Variants in SGMS1 observed in about 807,000 individuals in gnomAD.
The protein encoded by SGMS1 is sphingomyelin synthase 1.
A neutral mutation model predicts 46.2 loss-of-function variants in SGMS1; 13 were observed. That is an observed-to-expected ratio of 0.28 (90% CI 0.18 to 0.45). SGMS1 has a LOEUF of 0.45. SGMS1 is among the 20% of genes least tolerant of loss of function. SGMS1 has a pLI of 1.00. For synonymous variants in SGMS1, 203 were observed against 187.8 expected (o/e 1.08, Z -0.66); for missense variants, 324 against 519.9 (o/e 0.62, Z 3.66).
intron 5 of SGMS1, among the ~76,000 whole-genome samples, chr10:50,458,509 C>T (rs1296464672): frequency 1.3e-5 from 2 of 151,924 alleles, no homozygotes; most frequent in Admixed American, 1.3e-4. Flanking sequence ...GCGCCTGCCA[C>T]CATGACCGGC....
At chr10:50,489,742 A>T (rs183486699) in intron 3 of SGMS1, among the ~76,000 whole-genome samples, 1 of 152,084 alleles carries the variant, frequency 6.6e-6, no homozygotes, top group African/African-American at 2.4e-5. Flanking sequence ...TTGGGAGGCT[A>T]AGGTGGGTAG....
Position 50,344,108 on chromosome 10 carries a change from C to T in SGMS1, c.7G>A (p.Glu3Lys). The T allele has an allele frequency of 6.2e-7, 1 of 1,605,408 alleles. No individual in the cohort carries two copies. The highest frequency in any genetic ancestry group is 8.5e-7 in the Non-Finnish European group (1 of 1,175,832). Reference sequence around the variant, plus strand: ...TTCTTGGGTGACCAATAAACCACTTCCTTCATTGTACTGGCAGACAGCAGG... The same window carrying T: ...TTCTTGGGTGACCAATAAACCACTTTCTTCATTGTACTGGCAGACAGCAGG... MK[E>K]VVYWSPKKVA... The change falls in exon 7 of 11, where the codon GAA becomes AAA. Residue 3 changes from glutamate (E) to lysine (K), a missense_variant. Glu to Lys is a moderately conservative substitution (Grantham distance 56, BLOSUM62 1). This residue lies in a region of SGMS1 where 150 missense variants were observed against 169.8 expected (regional missense o/e 0.88). Coordinates refer to ENST00000361781, the MANE Select transcript of SGMS1 (RefSeq NM_147156.4).
intron 1 of SGMS1, among the ~76,000 whole-genome samples, chr10:50,591,115 C>T (rs1410748268): frequency 6.6e-6 from 1 of 152,218 alleles, no homozygotes; most frequent in Non-Finnish European, 1.5e-5. Context: ...GAAAGTCATA[C>T]TCCTGTTGCC....
At chr10:50,415,126 A>G (rs575731029) in intron 6 of SGMS1, among the ~76,000 whole-genome samples, 47 of 152,342 alleles carry the variant, frequency 3.1e-4, no homozygotes, top group South Asian at 2.1e-4. Flanking sequence ...GTCTCAAAAC[A>G]TAACAAAACG....
At chr10:50,621,173 T>A (rs1012084173) in intron 1 of SGMS1, among the ~76,000 whole-genome samples, 2 of 150,578 alleles carry the variant, frequency 1.3e-5, no homozygotes, top group Admixed American at 6.6e-5. Flanking sequence ...TAAAACCCTG[T>A]CTCAAAAGAA....
At chr10:50,358,668 C>A (rs2133406773) in intron 6 of SGMS1, among the ~76,000 whole-genome samples, 1 of 152,282 alleles carries the variant, frequency 6.6e-6, no homozygotes, top group East Asian at 1.9e-4. Flanking sequence ...CAGCCTCCAG[C>A]CTGAGCAACA....
chr10:50,553,527 G>A (rs1838166538), intron 2 of SGMS1, among the ~76,000 whole-genome samples: 1 of 151,878 alleles, frequency 6.6e-6, no homozygotes, highest in African/African-American at 2.4e-5. Context: ...TTCACCCCAA[G>A]CTACATCTCA....
At chr10:50,460,270 G>A (rs1301872489) in intron 5 of SGMS1, 1 of 152,204 alleles carries the variant, frequency 6.6e-6, no homozygotes, top group East Asian at 1.9e-4. Context: ...ATCAGAAATG[G>A]CCTTGATGAT....
At chr10:50,486,757 C>T (rs188482261) in intron 3 of SGMS1, among the ~76,000 whole-genome samples, 91 of 152,290 alleles carry the variant, frequency 6.0e-4, no homozygotes, top group African/African-American at 1.9e-3. Context: ...GTGGTGATTC[C>T]TCAAAGATCT....
intron 6 of SGMS1, chr10:50,418,049 C>T (rs1849199490): frequency 6.6e-6 from 1 of 152,230 alleles, no homozygotes; most frequent in Admixed American, 6.5e-5. Context: ...ACAGCATCTC[C>T]GGAGCAACAC....
intron 2 of SGMS1, among the ~76,000 whole-genome samples, chr10:50,548,682 T>C (rs1838122544): frequency 6.6e-6 from 1 of 152,132 alleles, no homozygotes; most frequent in Non-Finnish European, 1.5e-5. Context: ...CCAAAAGCCA[T>C]TGCAACAAAA....
rs1037954989 is a variant in SGMS1, at chr10:50,476,128, G to A, written c.-497-9196C>T. Among the ~76,000 whole-genome samples the A allele has an allele frequency of 3.2e-4, 29 of 89,680 alleles. No homozygotes were observed. In the Admixed American group the frequency reaches 3.4e-3, roughly 10 times the overall value. The allele number at this position is 89,680 out of a possible 152,430, so 58.8% of individuals were successfully genotyped here. ...AAAAAAAAAAAAAAAAAAAAAATTA[G>A]CCAGGCATGGTGGCGTGTGCCTATA... On this transcript the variant is annotated intron_variant, in intron 3 of 10. Coordinates refer to ENST00000361781, the MANE Select transcript of SGMS1 (RefSeq NM_147156.4).
At chr10:50,624,741 C>T, upstream of SGMS1, 4 of 985,456 alleles carry the variant, frequency 4.1e-6, no homozygotes, top group Non-Finnish European at 4.8e-6. Context: ...CCGAGCGAAG[C>T]CCCAGCGCCC....
At chr10:50,530,468 C>T (rs113533225) in intron 2 of SGMS1, among the ~76,000 whole-genome samples, 93 of 152,248 alleles carry the variant, frequency 6.1e-4, no homozygotes, top group African/African-American at 2.0e-3. Flanking sequence ...GGCTTTCCAC[C>T]GAAGTACTGA....
At chr10:50,417,827 G>C (rs781503067) in intron 6 of SGMS1, among the ~76,000 whole-genome samples, 3 of 152,148 alleles carry the variant, frequency 2.0e-5, no homozygotes, top group Non-Finnish European at 2.9e-5. Flanking sequence ...GCAATATAAA[G>C]AGCATTTGTT....
At chr10:50,519,111 A>T (rs1222732479) in intron 3 of SGMS1, among the ~76,000 whole-genome samples, 1 of 152,204 alleles carries the variant, frequency 6.6e-6, no homozygotes, top group Non-Finnish European at 1.5e-5. Flanking sequence ...CAAGCTGCAG[A>T]ACACTACATG....
intron 5 of SGMS1, chr10:50,460,110 C>T (rs1456706879): frequency 6.6e-6 from 1 of 151,842 alleles, no homozygotes; most frequent in Non-Finnish European, 1.5e-5. Context: ...AATGGGTGCC[C>T]CTGATCTTGA....
chr10:50,409,803 A>G (rs942069528), intron 6 of SGMS1, among the ~76,000 whole-genome samples: 1 of 152,222 alleles, frequency 6.6e-6, no homozygotes, highest in Non-Finnish European at 1.5e-5. Context: ...CAACGGGAAT[A>G]TAAGAATATA....
intron 3 of SGMS1, among the ~76,000 whole-genome samples, chr10:50,518,689 G>C (rs915859465): frequency 1.3e-5 from 2 of 152,106 alleles, no homozygotes; most frequent in African/African-American, 2.4e-5. Flanking sequence ...AAAGTTCTGG[G>C]ATTACAGGCA....
Sources: gnomAD v4.1 joint callset for allele counts (sites outside exome capture counted in the v4.1 genomes callset) on GRCh38, gnomAD v4.1.1 for gene constraint, gnomAD v4.1.1 regional missense constraint, MANE v1.5 for transcripts, NCBI Gene and HGNC (gene_info 2026-07-23, HGNC 2026-07-21) for gene names.